Variants in GRIP1 observed in about 807,000 individuals in gnomAD.
GRIP1 encodes glutamate receptor interacting protein 1.
In GRIP1, 45 loss-of-function variants were observed where a neutral mutation model predicts 129.9. The ratio of observed to expected loss-of-function variants is 0.35; its 90% confidence interval spans 0.27 to 0.44. GRIP1 has a LOEUF of 0.44. Among genes scored for constraint, GRIP1 ranks in the 20% least tolerant of loss-of-function variants. GRIP1 has a pLI of 1.00. For missense variants in GRIP1, 1,196 were observed against 1,396.8 expected (o/e 0.86, Z 2.29); for synonymous variants, 530 against 520.8 (o/e 1.02, Z -0.24).
intron 1 of GRIP1, among the ~76,000 whole-genome samples, chr12:66,876,987 T>C (rs965893005): frequency 6.6e-6 from 1 of 152,122 alleles, no homozygotes; most frequent in Non-Finnish European, 1.5e-5. Flanking sequence ...GCTATTTTAA[T>C]ATATATTGAT....
chr12:66,441,934 G>A (rs1325862426), intron 13 of GRIP1, among the ~76,000 whole-genome samples: 1 of 151,958 alleles, frequency 6.6e-6, no homozygotes, highest in Admixed American at 6.6e-5. Context: ...ATAAACAAGT[G>A]CTATTAGCTC....
intron 7 of GRIP1, among the ~76,000 whole-genome samples, chr12:66,485,257 A>G (rs1170308925): frequency 6.6e-6 from 1 of 152,052 alleles, no homozygotes; most frequent in Non-Finnish European, 1.5e-5. Context: ...CTGTGTTTTC[A>G]ATTTGCATTT....
chr12:66,429,909 A>G (rs1263188247), intron 14 of GRIP1, among the ~76,000 whole-genome samples: 1 of 152,188 alleles, frequency 6.6e-6, no homozygotes, highest in East Asian at 1.9e-4. Context: ...AGAGAGGTTG[A>G]GGGAATCAGG....
intron 23 of GRIP1, among the ~76,000 whole-genome samples, chr12:66,358,268 A>G (rs1249519820): frequency 1.3e-5 from 2 of 152,136 alleles, no homozygotes; most frequent in Non-Finnish European, 1.5e-5. Flanking sequence ...GGCCACAGGA[A>G]GTCTTTCCTG....
At chr12:66,620,624 T>C (rs1490217816) in intron 1 of GRIP1, among the ~76,000 whole-genome samples, 1 of 152,204 alleles carries the variant, frequency 6.6e-6, no homozygotes, top group African/African-American at 2.4e-5. Flanking sequence ...CTGAGGATAC[T>C]GTGCCTTTAC....
intron 6 of GRIP1, among the ~76,000 whole-genome samples, chr12:66,517,568 C>T (rs76004372): frequency 9.6e-4 from 146 of 152,252 alleles, no homozygotes; most frequent in Non-Finnish European, 2.0e-3. Flanking sequence ...TAAGTACCTC[C>T]CCTGTGCCAT....
intron 1 of GRIP1, among the ~76,000 whole-genome samples, chr12:66,817,015 C>T (rs2136971540): frequency 6.6e-6 from 1 of 152,144 alleles, no homozygotes; most frequent in African/African-American, 2.4e-5. Flanking sequence ...TCATGAACAT[C>T]CTTTCCTCAG....
intron 1 of GRIP1, 44 bp from the exon 2 acceptor site, chr12:66,596,971 T>G (rs1359711723): frequency 8.0e-7 from 1 of 1,250,850 alleles, no homozygotes; most frequent in South Asian, 1.2e-5. Flanking sequence ...CCATCCAGTT[T>G]CTAATGCAGT....
intron 1 of GRIP1, among the ~76,000 whole-genome samples, chr12:66,756,252 T>C (rs1048626263): frequency 1.3e-5 from 2 of 152,190 alleles, no homozygotes; most frequent in African/African-American, 4.8e-5. Context: ...TTCACTACTT[T>C]AGACACCTCA....
rs1181534734 is a variant in GRIP1 at position 66,715,491 on chromosome 12, A to T, written c.-419-85155T>A. ...GTGTGTGAGAGAGAGAGAGAGAGAGAGAGAGAGAGAGAGAGAGAGAGAGAG... is the reference window on the plus strand; with the variant it reads ...GTGTGTGAGAGAGAGAGAGAGAGAGTGAGAGAGAGAGAGAGAGAGAGAGAG... On this transcript the variant is annotated intron_variant, in intron 1 of 4. Transcript: ENST00000538373. 2.1e-3 allele frequency among the ~76,000 whole-genome samples: 259 copies of T among 123,588 alleles called. 1 individual carries two copies. Among genetic ancestry groups the T allele is most frequent in the African/African-American group, 7.5e-3 (249 of 33,364 alleles). The allele number at this position is 123,588 out of a possible 152,430, so 81.1% of individuals were successfully genotyped here.
chr12:66,395,135 A>C (rs374615522), intron 16 of GRIP1, among the ~76,000 whole-genome samples: 5 of 152,254 alleles, frequency 3.3e-5, no homozygotes, highest in African/African-American at 1.2e-4. Flanking sequence ...TGCTCTGCCT[A>C]AAGCACTGGC....
intron 1 of GRIP1, among the ~76,000 whole-genome samples, chr12:66,656,163 T>C (rs1218580794): frequency 1.3e-5 from 2 of 152,224 alleles, no homozygotes; most frequent in Non-Finnish European, 2.9e-5. Flanking sequence ...CCAGTCATGG[T>C]GTGATACTCA....
chr12:66,584,038 G>A (rs1162849476), intron 2 of GRIP1, among the ~76,000 whole-genome samples: 2 of 147,222 alleles, frequency 1.4e-5, no homozygotes, highest in East Asian at 3.9e-4. Context: ...ACTGGATTAA[G>A]AAAATGTGGC....
Position 66,371,921 on chromosome 12 carries a change from T to C in GRIP1, c.2785A>G (p.Ile929Val). The change falls in exon 23 of 25, where the codon ATC (isoleucine) becomes GTC (valine). Residue 929 changes from isoleucine to valine, a missense_variant. Physicochemically the swap from Ile to Val is conservative, Grantham distance 29. This residue lies in a region of GRIP1 where 427 missense variants were observed against 463.3 expected (regional missense o/e 0.92). Coordinates refer to ENST00000359742, the MANE Select transcript of GRIP1 (RefSeq NM_001366722.1). The stretch of plus-strand genomic sequence containing the variant: ...AAACTCATCGTGCTCCCCGACATGA[T>C]TGTTGCCTGTGGCATTGACAATTTT... ...SLRNMTLLAT[I>V]MSGSTMSLNH... The C allele has an allele frequency of 2.5e-6, 4 of 1,605,624 alleles. No individual in the cohort carries two copies. The highest frequency in any genetic ancestry group is 3.4e-6 in the Non-Finnish European group (4 of 1,174,892).
At chr12:66,992,956 T>A (rs1254185037) in intron 1 of GRIP1, among the ~76,000 whole-genome samples, 2 of 151,818 alleles carry the variant, frequency 1.3e-5, no homozygotes, top group African/African-American at 4.8e-5. Flanking sequence ...ATTCCAAAAA[T>A]ACAAAAAATT....
chr12:66,362,851 G>C (rs1422896126), intron 23 of GRIP1, among the ~76,000 whole-genome samples: 3 of 151,778 alleles, frequency 2.0e-5, no homozygotes, highest in African/African-American at 7.3e-5. Flanking sequence ...CTAGGGGATG[G>C]CAATTCTCAC....
intron 1 of GRIP1, among the ~76,000 whole-genome samples, chr12:66,670,767 G>A (rs1011084851): frequency 2.6e-5 from 4 of 152,180 alleles, no homozygotes; most frequent in Non-Finnish European, 5.9e-5. Flanking sequence ...TAGTTCTTGA[G>A]CAGGGGCTGA....
intron 1 of GRIP1, among the ~76,000 whole-genome samples, chr12:66,633,521 G>A (rs1345943932): frequency 2.0e-5 from 3 of 152,010 alleles, no homozygotes; most frequent in African/African-American, 7.2e-5. Flanking sequence ...AATCCAGAAA[G>A]AGAATGTGGA....
At chr12:66,494,486 C>T (rs992837771) in intron 7 of GRIP1, among the ~76,000 whole-genome samples, 2 of 152,148 alleles carry the variant, frequency 1.3e-5, no homozygotes, top group Admixed American at 6.5e-5. Flanking sequence ...TTGTGAGGTT[C>T]ATCTGGGTTT....
Sources: allele counts gnomAD v4.1 joint callset (sites outside exome capture counted in the v4.1 genomes callset), GRCh38; gene constraint gnomAD v4.1.1; regional missense constraint gnomAD v4.1.1; transcripts MANE v1.5; gene names NCBI Gene and HGNC (gene_info 2026-07-23, HGNC 2026-07-21).